Variants in PTPRD observed in about 807,000 individuals in gnomAD.
The protein encoded by PTPRD is protein tyrosine phosphatase receptor type D, also known as receptor-type tyrosine-protein phosphatase delta.
PTPRD carries 34 observed loss-of-function variants against 214.5 expected under a neutral mutation model. The ratio of observed to expected loss-of-function variants is 0.16; its 90% CI spans 0.12 to 0.21. The LOEUF (loss-of-function observed/expected upper bound fraction) is 0.21. PTPRD is among the 10% of genes least tolerant of loss of function. The pLI is 1.00. For synonymous variants in PTPRD, 1,128 were observed against 845.7 expected (o/e 1.33, Z -5.79); for missense variants, 2,545 against 2,398.7 (o/e 1.06, Z -1.27).
At chr9:8,596,905 T>A (rs1161122716) in intron 14 of PTPRD, among the ~76,000 whole-genome samples, 1 of 152,114 alleles carries the variant, frequency 6.6e-6, no homozygotes, top group African/African-American at 2.4e-5. Context: ...TAATAAATGG[T>A]GCATACAATT....
chr9:8,460,638 A>G (rs2134169219), intron 32 of PTPRD, 67 bp from the exon 33 acceptor site: 1 of 1,495,108 alleles, frequency 6.7e-7, no homozygotes, highest in Non-Finnish European at 9.0e-7. Context: ...CTTTAACATT[A>G]GAAGAAGCAA....
intron 9 of PTPRD, among the ~76,000 whole-genome samples, chr9:9,378,313 A>G (rs1569567827): frequency 6.6e-6 from 1 of 152,096 alleles, no homozygotes; most frequent in Non-Finnish European, 1.5e-5. Context: ...TTTTTCACTT[A>G]CGAATACACA....
intron 5 of PTPRD, among the ~76,000 whole-genome samples, chr9:9,796,459 T>C (rs532602783): frequency 3.3e-5 from 5 of 151,930 alleles, no homozygotes; most frequent in South Asian, 4.2e-4. Flanking sequence ...CAGGAGAAAA[T>C]TGAAAAATAG....
chr9:9,249,861 A>G (rs2099974736), intron 9 of PTPRD, among the ~76,000 whole-genome samples: 1 of 152,070 alleles, frequency 6.6e-6, no homozygotes, highest in African/African-American at 2.4e-5. Flanking sequence ...ATTCTTTCAG[A>G]CTTCAGTGGT....
chr9:10,016,939 A>T (rs2096730193), intron 4 of PTPRD, among the ~76,000 whole-genome samples: 1 of 152,214 alleles, frequency 6.6e-6, no homozygotes, highest in African/African-American at 2.4e-5. Context: ...TGCTGGGATT[A>T]CAGGAGTGAG....
At chr9:9,583,151 C>G (rs893193704) in intron 7 of PTPRD, among the ~76,000 whole-genome samples, 1 of 151,982 alleles carries the variant, frequency 6.6e-6, no homozygotes, top group Non-Finnish European at 1.5e-5. Context: ...ATGTCAAAAT[C>G]TCTAAATAAA....
At chr9:9,457,763 C>T (rs1207396649) in intron 8 of PTPRD, among the ~76,000 whole-genome samples, 2 of 147,520 alleles carry the variant, frequency 1.4e-5, no homozygotes, top group Non-Finnish European at 3.0e-5. Flanking sequence ...TAAATGTTTT[C>T]CCCCAAATAC....
chr9:9,200,556 C>G (rs1258242938), intron 9 of PTPRD, among the ~76,000 whole-genome samples: 1 of 152,162 alleles, frequency 6.6e-6, no homozygotes, highest in Non-Finnish European at 1.5e-5. Context: ...ACCCAACACT[C>G]AGAGAATAAA....
intron 9 of PTPRD, among the ~76,000 whole-genome samples, chr9:9,280,739 A>G (rs2133540844): frequency 6.6e-6 from 1 of 151,482 alleles, no homozygotes; most frequent in Admixed American, 6.6e-5. Context: ...AATCCTAATA[A>G]AAATCTCAAT....
At chr9:10,268,438 A>C (rs187859400) in intron 3 of PTPRD, among the ~76,000 whole-genome samples, 164 of 152,210 alleles carry the variant, frequency 1.1e-3, no homozygotes, top group African/African-American at 3.8e-3. Flanking sequence ...ATTTAAATAT[A>C]TAGTTTCAGA....
chr9:8,919,792 A>G (rs1208889920), intron 11 of PTPRD, among the ~76,000 whole-genome samples: 2 of 145,578 alleles, frequency 1.4e-5, no homozygotes, highest in Non-Finnish European at 3.1e-5. Flanking sequence ...TATGCACAAT[A>G]CATACACATG....
At chr9:9,276,050 A>T (rs1404016579) in intron 9 of PTPRD, among the ~76,000 whole-genome samples, 1 of 151,376 alleles carries the variant, frequency 6.6e-6, no homozygotes, top group Non-Finnish European at 1.5e-5. Context: ...CTAGAGGGAA[A>T]GTAGGTTATA....
At chr9:9,519,638 C>G (rs1338734092) in intron 8 of PTPRD, among the ~76,000 whole-genome samples, 2 of 151,790 alleles carry the variant, frequency 1.3e-5, no homozygotes, top group Non-Finnish European at 2.9e-5. Flanking sequence ...AAAGAATAAG[C>G]ATAACAAAAG....
chr9:8,852,671 T>C (rs1238024912), intron 11 of PTPRD, among the ~76,000 whole-genome samples: 1 of 152,212 alleles, frequency 6.6e-6, no homozygotes, highest in Non-Finnish European at 1.5e-5. Flanking sequence ...CTCCAAACTG[T>C]CATCTTTTTC....
intron 4 of PTPRD, among the ~76,000 whole-genome samples, chr9:10,013,700 A>T (rs1278618860): frequency 1.3e-5 from 2 of 151,994 alleles, no homozygotes; most frequent in Admixed American, 1.3e-4. Flanking sequence ...TTTAATAAAA[A>T]TAGATGTAGG....
At chr9:9,645,165 C>G (rs1233954600) in intron 7 of PTPRD, among the ~76,000 whole-genome samples, 1 of 152,174 alleles carries the variant, frequency 6.6e-6, no homozygotes, top group Non-Finnish European at 1.5e-5. Flanking sequence ...TGCTTGCCCT[C>G]CAGGAAAGGG....
chr9:10,316,180 G>T (rs28376580), intron 3 of PTPRD, among the ~76,000 whole-genome samples: 6 of 101,768 alleles, frequency 5.9e-5, no homozygotes, highest in African/African-American at 2.1e-4. Flanking sequence ...TATATACATA[G>T]ATATACATAT....
intron 8 of PTPRD, among the ~76,000 whole-genome samples, chr9:9,560,096 T>C (rs2082524665): frequency 6.6e-6 from 1 of 152,188 alleles, no homozygotes; most frequent in Non-Finnish European, 1.5e-5. Flanking sequence ...CAGGTACTCT[T>C]TGAACTGGAA....
chr9:8,358,141 G>C (rs566489471), intron 39 of PTPRD, among the ~76,000 whole-genome samples: 46 of 152,226 alleles, frequency 3.0e-4, no homozygotes, highest in Middle Eastern at 3.4e-3. Flanking sequence ...ATAGTTCTAA[G>C]GGAGGATGCA....
Sources: allele counts gnomAD v4.1 joint callset (sites outside exome capture counted in the v4.1 genomes callset), GRCh38; gene constraint gnomAD v4.1.1; transcripts MANE v1.5; gene names NCBI Gene and HGNC (gene_info 2026-07-23, HGNC 2026-07-21).